Variants in SMG7 observed in about 807,000 individuals in gnomAD.
The protein encoded by SMG7 is nonsense-mediated mRNA decay factor SMG7.
In SMG7, 34 loss-of-function variants were observed where a neutral mutation model predicts 148.2. The observed-to-expected ratio is 0.23, with a 90% CI of 0.17 to 0.31. The LOEUF is 0.31. SMG7 is among the 10% of genes least tolerant of loss of function. SMG7 has a pLI of 1.00. For missense variants in SMG7, 1,114 were observed against 1,408.4 expected (o/e 0.79, Z 3.35); for synonymous variants, 492 against 515.1 (o/e 0.96, Z 0.61).
chr1:183,481,770 T>C (rs1019724919), intron 1 of SMG7, among the ~76,000 whole-genome samples: 4 of 152,202 alleles, frequency 2.6e-5, no homozygotes. Context: ...GAACTTTTCC[T>C]GCATAGGAGG....
intron 4 of SMG7, among the ~76,000 whole-genome samples, chr1:183,526,051 C>T (rs1466063859): frequency 6.6e-6 from 1 of 151,482 alleles, no homozygotes; most frequent in East Asian, 1.9e-4. Flanking sequence ...GCTGTATGCA[C>T]ATCCTAGATT....
At chr1:183,485,287 A>G (rs1407793916) in intron 1 of SMG7, among the ~76,000 whole-genome samples, 1 of 152,212 alleles carries the variant, frequency 6.6e-6, no homozygotes, top group African/African-American at 2.4e-5. Context: ...TATATAAAAC[A>G]TAATGTAATA....
chr1:183,526,463 A>G (rs1571997922), intron 4 of SMG7, 133 bp from the exon 5 acceptor site: 1 of 598,180 alleles, frequency 1.7e-6, no homozygotes, highest in East Asian at 3.0e-5. Flanking sequence ...CCGAAAGATT[A>G]CCATATAATT....
intron 1 of SMG7, among the ~76,000 whole-genome samples, chr1:183,494,464 T>A (rs903728585): frequency 1.3e-5 from 2 of 151,272 alleles, no homozygotes; most frequent in Non-Finnish European, 2.9e-5. Flanking sequence ...TTACTATTTC[T>A]GGCACTCGTC....
At chr1:183,509,777 C>G (rs1332671650) in intron 1 of SMG7, among the ~76,000 whole-genome samples, 1 of 152,074 alleles carries the variant, frequency 6.6e-6, no homozygotes, top group Non-Finnish European at 1.5e-5. Context: ...GTTTTTGTGA[C>G]ATTTTTATAT....
chr1:183,529,338 T>TA, intron 7 of SMG7, 60 bp from the exon 8 acceptor site: 1 of 1,579,506 alleles, frequency 6.3e-7, no homozygotes, highest in Non-Finnish European at 8.6e-7. Flanking sequence ...CAGTGCCTCC[T>TA]TAAACAGTTG....
intron 17 of SMG7, 132 bp downstream of exon 17, chr1:183,546,469 G>C (rs762216030): frequency 1.3e-5 from 12 of 944,016 alleles, no homozygotes; most frequent in Non-Finnish European, 1.9e-5. Flanking sequence ...CTGAGTATTG[G>C]TGTAGCTCTT....
At chr1:183,540,158 C>A (rs534687472) in intron 12 of SMG7, among the ~76,000 whole-genome samples, 3 of 152,168 alleles carry the variant, frequency 2.0e-5, no homozygotes, top group Non-Finnish European at 2.9e-5. Context: ...ATTTCCTTCT[C>A]CTCTACTGCC....
rs772808982 is a variant in SMG7, at chr1:183,544,421, C to G, written c.1911C>G (p.Thr637=). The G allele has an allele frequency of 2.5e-5, 40 of 1,613,770 alleles. No homozygotes were observed. The highest frequency in any genetic ancestry group is 3.3e-5 in the Non-Finnish European group (39 of 1,179,856). ...SEARKTPVTQ[T]PTQASNSQFI... is the part of the protein sequence containing the mutation. ...CCAGAAAAACACCTGTAACTCAAAC[C>G]CCAACTCAAGCAAGTAACTCCCAGT... is the stretch of plus-strand genomic sequence containing the variant. The change falls in exon 15 of 23, where the codon ACC becomes ACG. Residue 637 remains threonine (T), a synonymous_variant. Coordinates refer to ENST00000688051, the MANE Select transcript of SMG7 (RefSeq NM_001375584.1).
At position 183,553,067 on chromosome 1, in the gene SMG7, A is replaced by C. The variant is rs1558080108; in HGVS notation, c.*1136A>C. On this transcript the variant is annotated 3_prime_UTR_variant, in exon 23 of 23. Transcript: ENST00000688051. Reference sequence around the variant, plus strand: ...TATCTGCGTAGCCCACAGAGGGCCCAGGCCCCTGCCCAGCTGCAGTCTCCC... The same window carrying C: ...TATCTGCGTAGCCCACAGAGGGCCCCGGCCCCTGCCCAGCTGCAGTCTCCC... The C allele has an allele frequency of 1.3e-6, 2 of 1,536,150 alleles. No individual in the cohort carries two copies. Among genetic ancestry groups the C allele is most frequent in the Non-Finnish European group, 8.7e-7 (1 of 1,146,940 alleles).
rs1023782216 is a variant in SMG7 at position 183,502,519 on chromosome 1, A to T, written c.30-10318A>T. 4.5e-6 allele frequency: 3 copies of T among 659,884 alleles called. No individual in the cohort carries two copies. The African/African-American group carries it at 5.5e-5, about 12-fold the overall frequency. 40.9% of individuals were successfully genotyped at this position (659,884 alleles called of 1,614,324 possible). A position where few individuals can be genotyped will look rare whatever the true frequency, so the allele number is the denominator to read the frequency against. ...ACATTTGATTTTGGCCAAGATCGGGATGGGGCATGCTAAAGTTTTATTATT... is the reference window on the plus strand; with the variant it reads ...ACATTTGATTTTGGCCAAGATCGGGTTGGGGCATGCTAAAGTTTTATTATT... On this transcript the variant is annotated intron_variant, in intron 1 of 22. Transcript: ENST00000688051.
At chr1:183,503,737 T>A (rs1660275865) in intron 1 of SMG7, among the ~76,000 whole-genome samples, 1 of 152,246 alleles carries the variant, frequency 6.6e-6, no homozygotes, top group South Asian at 2.1e-4. Flanking sequence ...TTACCCCTCC[T>A]TATTCAAATG....
chr1:183,494,898 C>T (rs991173412), intron 1 of SMG7, among the ~76,000 whole-genome samples: 2 of 149,996 alleles, frequency 1.3e-5, no homozygotes, highest in Non-Finnish European at 3.0e-5. Context: ...GGTGCAATCT[C>T]GGCTCACCAC....
At chr1:183,507,654 C>CTATAATATCTATAT (rs1046771794) in intron 1 of SMG7, among the ~76,000 whole-genome samples, 1 of 152,132 alleles carries the variant, frequency 6.6e-6, no homozygotes, top group African/African-American at 2.4e-5. Context: ...TTAGCTGTAC[C>CTATAATATCTATAT]TATAGGCACT....
In SMG7 at chr1:183,542,373, G is replaced by A; in HGVS notation, c.1713G>A (p.Arg571=). The A allele has an allele frequency of 6.2e-7, 1 of 1,613,974 alleles. No homozygotes were observed. The highest frequency in any genetic ancestry group is 8.5e-7 in the Non-Finnish European group (1 of 1,179,924). ...GTTTTCCTCCCAAAGAGGTGAGAAG[G>A]GACTATAGCAAAGGAATAACTGTAA... is the stretch of plus-strand genomic sequence containing the variant. ...GRSFPPKEVR[R]DYSKGITVTK... is the part of the protein sequence containing the mutation. The change falls in exon 14 of 23, where the codon AGG becomes AGA. Residue 571 remains arginine (R), a synonymous_variant. Coordinates refer to ENST00000688051, the MANE Select transcript of SMG7 (RefSeq NM_001375584.1).
At chr1:183,525,756 C>A (rs1479705417) in intron 4 of SMG7, among the ~76,000 whole-genome samples, 2 of 151,936 alleles carry the variant, frequency 1.3e-5, no homozygotes, top group East Asian at 3.9e-4. Context: ...ACTTTAAGAA[C>A]AGAGAAGAGA....
chr1:183,514,971 G>A (rs991883565), intron 2 of SMG7, among the ~76,000 whole-genome samples: 3 of 152,148 alleles, frequency 2.0e-5, no homozygotes, highest in Admixed American at 6.5e-5. Flanking sequence ...GTAGCAAAAC[G>A]AAGTAGCCCA....
In SMG7 at chr1:183,549,809, A is replaced by T; in HGVS notation, c.3019A>T (p.Asn1007Tyr). The change falls in exon 20 of 23, where the codon AAC becomes TAC. Residue 1007 changes from asparagine (N) to tyrosine (Y), a missense_variant. Around this residue, in one of 4 missense-constraint regions of SMG7, gnomAD observed 788 missense variants for 894.5 expected, o/e 0.88. Coordinates refer to ENST00000688051, the MANE Select transcript of SMG7 (RefSeq NM_001375584.1). ...NSMFNEVYGKNLTSSSKAELS... is the reference protein window; with the variant it reads ...NSMFNEVYGKYLTSSSKAELS... ...TATGTTCAATGAGGTATATGGGAAA[A>T]ACCTGACATCCAGCTCCAAAGCAGA... is the stretch of plus-strand genomic sequence containing the variant. 6.2e-7 allele frequency: 1 copy of T among 1,613,892 alleles called. No individual in the cohort carries two copies. Among genetic ancestry groups the T allele is most frequent in the Non-Finnish European group, 8.5e-7 (1 of 1,179,806 alleles).
At chr1:183,502,288 A>C (rs1460110478) in intron 1 of SMG7, 1 of 1,533,714 alleles carries the variant, frequency 6.5e-7, no homozygotes, top group Non-Finnish European at 8.7e-7. Context: ...GAGAAATTGG[A>C]TGTTCTTGCA....
Sources: allele counts gnomAD v4.1 joint callset (sites outside exome capture counted in the v4.1 genomes callset), GRCh38; gene constraint gnomAD v4.1.1; regional missense constraint gnomAD v4.1.1; transcripts MANE v1.5; gene names NCBI Gene and HGNC (gene_info 2026-07-23, HGNC 2026-07-21).